The following CABLES2 variants were observed in gnomAD, a reference collection of about 807,000 sequenced individuals.
The protein encoded by CABLES2 is CDK5 and ABL1 enzyme substrate 2.
Under a neutral mutation model 44.8 loss-of-function variants are expected in CABLES2, and 35 were observed. That is an observed-to-expected ratio of 0.78 (90% CI 0.60 to 1.04). CABLES2 has a LOEUF of 1.04. CABLES2 is among the 50% of genes least tolerant of loss of function. CABLES2 has a pLI of 0.00. For synonymous variants in CABLES2, 282 were observed against 281.1 expected (o/e 1.00, Z -0.03); for missense variants, 566 against 615.7 (o/e 0.92, Z 0.85).
Position 62,389,218 on chromosome 20 carries a change from A to G in CABLES2, c.*1753T>C, listed in dbSNP as rs1347247417. The stretch of plus-strand genomic sequence containing the variant: ...GCTTTTCAGAGGAAAGCTGCCTGGG[A>G]CCCAGCATGGTGGAGCAGCTTTGAA... On this transcript the variant is annotated 3_prime_UTR_variant, in exon 10 of 10. Transcript: ENST00000279101. The G allele has an allele frequency of 6.6e-6, 1 of 152,448 alleles. No homozygotes were observed. The highest frequency in any genetic ancestry group is 1.5e-5 in the Non-Finnish European group (1 of 68,268). The allele number at this position is 152,448 out of a possible 1,614,324, so 9.4% of individuals were successfully genotyped here. A position where few individuals can be genotyped will look rare whatever the true frequency, so the allele number is the denominator to read the frequency against.
intron 1 of CABLES2, among the ~76,000 whole-genome samples, chr20:62,400,516 C>G (rs1454231115): frequency 6.6e-6 from 1 of 152,240 alleles, no homozygotes; most frequent in African/African-American, 2.4e-5. Context: ...GATTTGGGGA[C>G]TGTCCCCAGA....
intron 1 of CABLES2, among the ~76,000 whole-genome samples, chr20:62,406,158 CAG>C (rs1288347200): frequency 3.3e-5 from 5 of 151,994 alleles, no homozygotes; most frequent in African/African-American, 1.2e-4. Flanking sequence ...AGGGAAGTGA[CAG>C]GGAGAGGAGG....
At chr20:62,397,923 A>ATGGTGATGGTGGTGATGGCGG (rs1988052078) in intron 1 of CABLES2, among the ~76,000 whole-genome samples, 2 of 85,734 alleles carry the variant, frequency 2.3e-5, no homozygotes, top group Non-Finnish European at 4.8e-5. Context: ...GGCAGTGGTG[A>ATGGTGATGGTGGTGATGGCGG]TGGTGGTGGT....
intron 6 of CABLES2, 118 bp downstream of exon 6, chr20:62,393,322 C>T (rs1474551970): frequency 1.8e-6 from 2 of 1,115,690 alleles, no homozygotes; most frequent in East Asian, 2.4e-5. Context: ...CCCCAGGCTC[C>T]ATCTGCACGG....
At chr20:62,399,734 C>T (rs1221970207) in intron 1 of CABLES2, among the ~76,000 whole-genome samples, 9 of 152,034 alleles carry the variant, frequency 5.9e-5, no homozygotes, top group East Asian at 3.9e-4. Flanking sequence ...GCTGAGAGTA[C>T]AGGCGCCTGT....
chr20:62,390,648 C>T lies in CABLES2; in HGVS notation c.*323G>A, dbSNP rs1220141487. On this transcript the variant is annotated 3_prime_UTR_variant, in exon 10 of 10. Coordinates refer to ENST00000279101, the MANE Select transcript of CABLES2 (RefSeq NM_031215.3). The stretch of plus-strand genomic sequence containing the variant: ...ACTGCAGCCGGCTCGCTGCTGCACG[C>T]TGTGAACAAAAGGTCCTGGTACCAG... 5.5e-6 allele frequency: 2 copies of T among 363,970 alleles called. No homozygotes were observed. Among genetic ancestry groups the T allele is most frequent in the Non-Finnish European group, 5.2e-6 (1 of 193,562 alleles). The allele number at this position is 363,970 out of a possible 1,614,324, so 22.5% of individuals were successfully genotyped here. A position where few individuals can be genotyped will look rare whatever the true frequency, so the allele number is the denominator to read the frequency against.
chr20:62,394,873 C>G (rs2427310), intron 4 of CABLES2, 64 bp downstream of exon 4: 579,352 of 1,494,138 alleles, frequency 0.39, 119,767 homozygotes, highest in African/African-American at 0.74. Context: ...TGGGCCTGGC[C>G]GAGACCAGGC....
At chr20:62,393,142 A>T (rs1987951729) in intron 6 of CABLES2, 119 bp from the exon 7 acceptor site, 4 of 904,986 alleles carry the variant, frequency 4.4e-6, no homozygotes, top group Admixed American at 2.2e-5. Context: ...GCTCTAGGCC[A>T]TGGTTCTCTC....
At chr20:62,393,395 C>T (rs745424864) in intron 6 of CABLES2, 45 bp downstream of exon 6, 33 of 1,542,126 alleles carry the variant, frequency 2.1e-5, no homozygotes, top group East Asian at 1.1e-4. Context: ...GGTTAAGGCA[C>T]GCGGGTCACC....
Position 62,405,243 on chromosome 20 carries a change from C to T in CABLES2, c.362+1672G>A, listed in dbSNP as rs185841279. On this transcript the variant is annotated intron_variant, in intron 1 of 9. Coordinates refer to ENST00000279101, the MANE Select transcript of CABLES2 (RefSeq NM_031215.3). ...AAAAGCCCACCACACCTGCGGAGCT[C>T]GGCCCGTTGGGGTGAGCCCGCTTCC... 3.9e-3 allele frequency: 600 copies of T among 152,508 alleles called. 3 individuals carry two copies. The highest frequency in any genetic ancestry group is 6.3e-3 in the Non-Finnish European group (427 of 68,152). The allele number at this position is 152,508 out of a possible 1,614,324, so 9.4% of individuals were successfully genotyped here.
chr20:62,391,500 C>T lies in CABLES2; in HGVS notation c.1092-47G>A, dbSNP rs1230140788. 7 of 1,592,140 alleles carry T rather than the reference C, an allele frequency of 4.4e-6. No homozygotes were observed. In the South Asian group the frequency reaches 7.7e-5, roughly 18 times the overall value. ...ATGTCCCTGGGGGCTCTGGCTGGGG[C>T]TGAGGAGGCAGCCCCCTGCCACCAC... is the stretch of plus-strand genomic sequence containing the variant. On this transcript the variant is annotated intron_variant, in intron 8 of 9. Transcript: ENST00000279101. This position sits in a 1 kb window ranked among gnomAD's most constrained non-coding sequence, Gnocchi z 5.7.
Position 62,390,715 on chromosome 20 carries a change from C to T in CABLES2, c.*256G>A. 2 of 520,448 alleles carry T rather than the reference C, an allele frequency of 3.8e-6. No individual in the cohort carries two copies. The highest frequency in any genetic ancestry group is 3.5e-6 in the Non-Finnish European group (1 of 289,290). The allele number at this position is 520,448 out of a possible 1,614,324, so 32.2% of individuals were successfully genotyped here. ...TGAAAAAAATACCAGTAACAAACCT[C>T]ACATTTAGTTTATGTAAAAATGCAG... On this transcript the variant is annotated 3_prime_UTR_variant, in exon 10 of 10. Coordinates refer to ENST00000279101, the MANE Select transcript of CABLES2 (RefSeq NM_031215.3).
At chr20:62,395,174 C>T (rs1021653930) in intron 3 of CABLES2, among the ~76,000 whole-genome samples, 160 bp from the exon 4 acceptor site, 2 of 152,222 alleles carry the variant, frequency 1.3e-5, no homozygotes, top group Admixed American at 6.5e-5. Flanking sequence ...CCCAGGAGGC[C>T]GGGTGGCCAC....
rs1184205399 is a variant in CABLES2, at chr20:62,398,176, T to C, written c.363-1584A>G. 1.1e-3 allele frequency among the ~76,000 whole-genome samples: 111 copies of C among 101,318 alleles called. 6 individuals are homozygous for C. The East Asian group carries it at 0.023, about 21-fold the overall frequency. The allele number at this position is 101,318 out of a possible 152,430, so 66.5% of individuals were successfully genotyped here. A position where few individuals can be genotyped will look rare whatever the true frequency, so the allele number is the denominator to read the frequency against. On this transcript the variant is annotated intron_variant, in intron 1 of 9. Transcript: ENST00000279101. ...GTGGTGACGGTGATGGTGGTAATGG[T>C]GGTGGTGGTGATGGTGATGATGGTG...
chr20:62,405,689 C>G (rs982370006), intron 1 of CABLES2: 1 of 152,304 alleles, frequency 6.6e-6, no homozygotes, highest in African/African-American at 2.4e-5. Flanking sequence ...CGTGGGGCAA[C>G]TCTGATGACC....
intron 1 of CABLES2, among the ~76,000 whole-genome samples, chr20:62,398,193 A>ATGATGG (rs756747098): frequency 6.7e-5 from 2 of 30,052 alleles, no homozygotes; most frequent in Non-Finnish European, 1.1e-4. Flanking sequence ...GGTGATGGTG[A>ATGATGG]TGATGGTGGT....
chr20:62,398,154 G>A lies in CABLES2; in HGVS notation c.363-1562C>T, dbSNP rs1426984195. On this transcript the variant is annotated intron_variant, in intron 1 of 9. Coordinates refer to ENST00000279101, the MANE Select transcript of CABLES2 (RefSeq NM_031215.3). The stretch of plus-strand genomic sequence containing the variant: ...GACGGTGGTGATGGTGGTGGTGGTG[G>A]TGACGGTGATGGTGGTAATGGTGGT... 1.3e-3 allele frequency among the ~76,000 whole-genome samples: 178 copies of A among 138,042 alleles called. 7 individuals are homozygous for A. The highest frequency in any genetic ancestry group is 1.7e-3 in the Non-Finnish European group (105 of 63,088). 90.6% of individuals were successfully genotyped at this position (138,042 alleles called of 152,430 possible). A position where few individuals can be genotyped will look rare whatever the true frequency, so the allele number is the denominator to read the frequency against.
intron 1 of CABLES2, among the ~76,000 whole-genome samples, chr20:62,398,109 G>GGTGGTGA (rs1988090786): frequency 1.9e-5 from 2 of 104,842 alleles, no homozygotes; most frequent in Middle Eastern, 4.7e-3. Context: ...GGTGGTGATG[G>GGTGGTGA]TGGTGGTGGT....
Position 62,388,733 on chromosome 20 carries a change from G to C in CABLES2, c.*2238C>G. On this transcript the variant is annotated 3_prime_UTR_variant, in exon 10 of 10. Transcript: ENST00000279101. The stretch of plus-strand genomic sequence containing the variant: ...ATTCTGAGGTCTGATACTTGCTTAT[G>C]CACACTGACATCCACAACTGCTACC... The C allele has an allele frequency of 1.9e-6, 1 of 539,966 alleles. No homozygotes were observed. The highest frequency in any genetic ancestry group is 3.3e-6 in the Non-Finnish European group (1 of 303,746). The allele number at this position is 539,966 out of a possible 1,614,324, so 33.4% of individuals were successfully genotyped here.
Sources: gnomAD v4.1 joint callset for allele counts (sites outside exome capture counted in the v4.1 genomes callset) on GRCh38, gnomAD v4.1.1 for gene constraint, Gnocchi (gnomAD v3.1) non-coding constraint, MANE v1.5 for transcripts, NCBI Gene and HGNC (gene_info 2026-07-23, HGNC 2026-07-21) for gene names.